Variants in ZNF28 observed in about 807,000 individuals in gnomAD.
ZNF28 encodes zinc finger protein 28.
A neutral mutation model predicts 7.2 loss-of-function variants in ZNF28; 5 were observed. The ratio of observed to expected loss-of-function variants is 0.70; its 90% CI spans 0.36 to 1.46. The LOEUF (loss-of-function observed/expected upper bound fraction) is 1.46, where lower values mean the gene tolerates loss of function less well. Ranked by LOEUF, ZNF28 falls within the 40% of genes most tolerant of loss-of-function variation. The probability of loss-of-function intolerance (pLI) is 0.03; values close to 1 mark genes in which losing one functional copy is unlikely to be tolerated. For synonymous variants in ZNF28, 288 were observed against 292.4 expected (o/e 0.99, Z 0.15); for missense variants, 879 against 866.6 (o/e 1.01, Z -0.18).
At chr19:52,816,834 A>AAATAAT (rs34015590) in intron 2 of ZNF28, among the ~76,000 whole-genome samples, 20,630 of 138,142 alleles carry the variant, frequency 0.15, 1,659 homozygotes, top group Admixed American at 0.23. Context: ...CCGTTTCAGA[A>AAATAAT]AATAATAATA....
chr19:52,805,857 G>A (rs1568651287), intron 3 of ZNF28: 1 of 152,026 alleles, frequency 6.6e-6, no homozygotes, highest in East Asian at 1.9e-4. Flanking sequence ...GTGCATATCT[G>A]TAATCCCAGC....
At chr19:52,803,091 T>G (rs2062894524) in intron 3 of ZNF28, among the ~76,000 whole-genome samples, 1 of 151,796 alleles carries the variant, frequency 6.6e-6, no homozygotes, top group African/African-American at 2.4e-5. Flanking sequence ...TGTATTTTTA[T>G]TTTTTTGAGA....
intron 1 of ZNF28, among the ~76,000 whole-genome samples, chr19:52,819,390 T>C (rs1181847181): frequency 8.8e-6 from 1 of 113,340 alleles, no homozygotes; most frequent in Non-Finnish European, 1.8e-5. Context: ...CTTTCTTCCA[T>C]TCTATTGCTT....
At chr19:52,801,976 C>G (rs2147619387) in intron 3 of ZNF28, among the ~76,000 whole-genome samples, 1 of 152,266 alleles carries the variant, frequency 6.6e-6, no homozygotes, top group Non-Finnish European at 1.5e-5. Flanking sequence ...TGTTTTTCCA[C>G]TGTGACCCTA....
At position 52,810,316 on chromosome 19, in the gene ZNF28, A is replaced by G. The variant is rs1430885232; in HGVS notation, c.16-2183T>C. The stretch of plus-strand genomic sequence containing the variant: ...ATGGAGGCTGATGCCCGTTCCATCA[A>G]TGCTGGCAATGTGGACTGCGGTGCA... On this transcript the variant is annotated intron_variant, in intron 2 of 3. Coordinates refer to ENST00000457749, the MANE Select transcript of ZNF28 (RefSeq NM_006969.5). 12 of 1,591,524 alleles carry G rather than the reference A, an allele frequency of 7.5e-6. No individual in the cohort carries two copies. The Admixed American group carries it at 8.4e-5, about 11-fold the overall frequency.
intron 3 of ZNF28, among the ~76,000 whole-genome samples, chr19:52,806,243 G>T (rs2062935597): frequency 6.6e-6 from 1 of 151,966 alleles, no homozygotes; most frequent in Non-Finnish European, 1.5e-5. Context: ...TCCCATGCTG[G>T]AGTGCAACGG....
rs142480960 is a variant in ZNF28, at chr19:52,799,442, T to G, written c.*246A>C. On this transcript the variant is annotated 3_prime_UTR_variant, in exon 4 of 4. Transcript: ENST00000457749. Reference sequence around the variant, plus strand: ...TGTCACATTCTTCCTATTTGTAAAGTTTCTCTGCAGTATGAATTCTATGAT... The same window carrying G: ...TGTCACATTCTTCCTATTTGTAAAGGTTCTCTGCAGTATGAATTCTATGAT... The G allele has an allele frequency of 1.3e-6, 1 of 777,014 alleles. No homozygotes were observed. Among genetic ancestry groups the G allele is most frequent in the East Asian group, 2.5e-5 (1 of 39,446 alleles). 48.1% of individuals were successfully genotyped at this position (777,014 alleles called of 1,614,324 possible). A position where few individuals can be genotyped will look rare whatever the true frequency, so the allele number is the denominator to read the frequency against.
chr19:52,814,166 G>A lies in ZNF28; in HGVS notation c.15+3778C>T, dbSNP rs1395146336. The A allele has an allele frequency of 3.4e-5, 5 of 146,936 alleles. 1 individual carries two copies. The East Asian group carries it at 8.0e-4, about 24-fold the overall frequency. 9.1% of individuals were successfully genotyped at this position (146,936 alleles called of 1,614,324 possible). ...AACGGCTCCCCAGGGAGGCTGGAAG[G>A]AGGATGGAGGACGTGACAGGGAAAG... On this transcript the variant is annotated intron_variant, in intron 2 of 3. Coordinates refer to ENST00000457749, the MANE Select transcript of ZNF28 (RefSeq NM_006969.5).
In ZNF28 at chr19:52,808,150, T is replaced by C; in HGVS notation, c.16-17A>G. 1 of 1,611,744 alleles carries C rather than the reference T, an allele frequency of 6.2e-7. No homozygotes were observed. The highest frequency in any genetic ancestry group is 8.5e-7 in the Non-Finnish European group (1 of 1,178,598). On this transcript the variant is annotated splice_polypyrimidine_tract_variant and intron_variant, in intron 2 of 3. Transcript: ENST00000457749. ...CAATAGACCCTGAAATGGAAACACA[T>C]TTTAACCAAATGGTTATGGTGGAGT...
intron 2 of ZNF28, among the ~76,000 whole-genome samples, chr19:52,810,896 CCCCTCCCTCTCCCTCTCCCT>C (rs2063022314): frequency 2.3e-4 from 4 of 17,618 alleles, no homozygotes; most frequent in Admixed American, 4.6e-4. Context: ...CCTCCCCCTC[CCCCTCCCTCTCCCTCTCCCT>C]CCACAGTCTC....
chr19:52,800,392 GTC>G lies in ZNF28; in HGVS notation c.1451_1452del (p.Arg484ThrfsTer2). 6.2e-7 allele frequency: 1 copy of G among 1,613,972 alleles called. No homozygotes were observed. Among genetic ancestry groups the G allele is most frequent in the Non-Finnish European group, 8.5e-7 (1 of 1,179,990 alleles). On this transcript the variant is annotated frameshift_variant, in exon 4 of 4. Coordinates refer to ENST00000457749, the MANE Select transcript of ZNF28 (RefSeq NM_006969.5). LOFTEE classifies it low-confidence loss of function (END_TRUNC). ...TTCTCTCCAGTATGAATCCTCCTAT[GTC>G]TTTCAAGGTGTGATTTGCACCTGAA... ...KVFRCKSHLE[R>X]HRRIHTGEKP...
Position 52,800,558 on chromosome 19 carries a change from A to G in ZNF28, c.1287T>C (p.His429=), listed in dbSNP as rs1470763247. ...GCTTCTCTCCAGTGTGAATTATACT[A>G]TGTTTTGCCAGGTATGAATTATATG... ...AFAYNSYLAK[H]SIIHTGEKPY... The change falls in exon 4 of 4, where the codon CAT becomes CAC. Residue 429 remains histidine, a synonymous_variant. Coordinates refer to ENST00000457749, the MANE Select transcript of ZNF28 (RefSeq NM_006969.5). 1.9e-6 allele frequency: 3 copies of G among 1,613,032 alleles called. No individual in the cohort carries two copies. Among genetic ancestry groups the G allele is most frequent in the Admixed American group, 3.3e-5 (2 of 59,844 alleles).
chr19:52,805,933 T>A (rs1300175165), intron 3 of ZNF28: 1 of 152,066 alleles, frequency 6.6e-6, no homozygotes, highest in African/African-American at 2.4e-5. Flanking sequence ...TGAGCTGAGA[T>A]CGCAGCATCG....
intron 2 of ZNF28, among the ~76,000 whole-genome samples, chr19:52,814,577 G>A (rs941427237): frequency 2.1e-5 from 3 of 143,868 alleles, no homozygotes; most frequent in African/African-American, 8.4e-5. Flanking sequence ...CTGGACAACC[G>A]AGACTTTGTC....
chr19:52,807,257 G>A (rs886692188), intron 3 of ZNF28, among the ~76,000 whole-genome samples: 1 of 152,046 alleles, frequency 6.6e-6, no homozygotes, highest in African/African-American at 2.4e-5. Context: ...CTTTTCTAGA[G>A]TCCCAGCCCT....
At chr19:52,817,485 A>C (rs1426484635) in intron 2 of ZNF28, among the ~76,000 whole-genome samples, 1 of 152,166 alleles carries the variant, frequency 6.6e-6, no homozygotes, top group Non-Finnish European at 1.5e-5. Flanking sequence ...TCACTCAATT[A>C]CCTAAAAATG....
rs2062814148 is a variant in ZNF28 at position 52,797,714 on chromosome 19, TACACATACAATCCATAC to T, written c.*1957_*1973del. ...ATCAAAATGATTAAAAACATATAAA[TACACATACAATCCATAC>T]TGATTGGAAAAATTAGTATTGCTCA... On this transcript the variant is annotated 3_prime_UTR_variant, in exon 4 of 4. Transcript: ENST00000457749. 6.5e-6 allele frequency: 1 copy of T among 153,156 alleles called. No individual in the cohort carries two copies. The highest frequency in any genetic ancestry group is 1.5e-5 in the Non-Finnish European group (1 of 68,030). The allele number at this position is 153,156 out of a possible 1,614,324, so 9.5% of individuals were successfully genotyped here.
intron 3 of ZNF28, among the ~76,000 whole-genome samples, chr19:52,803,002 C>T (rs576600783): frequency 6.6e-6 from 1 of 152,128 alleles, no homozygotes; most frequent in East Asian, 1.9e-4. Context: ...ACCTTGTGAT[C>T]CCCTTGCCTC....
intron 2 of ZNF28, among the ~76,000 whole-genome samples, chr19:52,809,547 C>T (rs556360967): frequency 3.3e-5 from 5 of 152,276 alleles, no homozygotes; most frequent in African/African-American, 1.2e-4. Flanking sequence ...GTGGCTCACG[C>T]CTGTAATCCC....
Sources: allele counts gnomAD v4.1 joint callset (sites outside exome capture counted in the v4.1 genomes callset), GRCh38; gene constraint gnomAD v4.1.1; transcripts MANE v1.5; gene names NCBI Gene and HGNC (gene_info 2026-07-23, HGNC 2026-07-21).